SDK1: variants seen among roughly 807,000 people sequenced by gnomAD.
SDK1 encodes sidekick cell adhesion molecule 1, also known as protein sidekick-1.
Under a neutral mutation model 245.5 loss-of-function variants are expected in SDK1, and 157 were observed. That is an observed-to-expected ratio of 0.64 (90% CI 0.56 to 0.73). The LOEUF (loss-of-function observed/expected upper bound fraction) is 0.73. Among genes scored for constraint, SDK1 ranks in the 30% least tolerant of loss-of-function variants. The probability of loss-of-function intolerance (pLI) is 0.00; values close to 1 mark genes in which losing one functional copy is unlikely to be tolerated. For synonymous variants in SDK1, 1,647 were observed against 1,278.5 expected, an observed-to-expected ratio of 1.29 and a Z score of -6.15; for missense variants, 3,583 against 3,002.3, an observed-to-expected ratio of 1.19 and a Z score of -4.52.
At chr7:3,957,370 C>G (rs1473490627) in intron 7 of SDK1, among the ~76,000 whole-genome samples, 1 of 152,142 alleles carries the variant, frequency 6.6e-6, no homozygotes, top group Non-Finnish European at 1.5e-5. Flanking sequence ...GTTATGCTAT[C>G]GTTTTTTGCA....
chr7:3,735,255 A>C (rs1269150285), intron 4 of SDK1, among the ~76,000 whole-genome samples: 2 of 152,204 alleles, frequency 1.3e-5, no homozygotes, highest in Non-Finnish European at 2.9e-5. Context: ...ATTGTTGTGC[A>C]ACCCATCTTT....
intron 25 of SDK1, among the ~76,000 whole-genome samples, chr7:4,116,440 G>A (rs1783715462): frequency 6.6e-6 from 1 of 152,206 alleles, no homozygotes; most frequent in Non-Finnish European, 1.5e-5. Context: ...CCCGCTCTGT[G>A]TGCCACAGCG....
intron 4 of SDK1, among the ~76,000 whole-genome samples, chr7:3,754,225 A>G (rs1779854674): frequency 6.6e-6 from 1 of 152,152 alleles, no homozygotes; most frequent in Non-Finnish European, 1.5e-5. Context: ...TTCATACCCC[A>G]GGGATTTATT....
intron 1 of SDK1, among the ~76,000 whole-genome samples, chr7:3,464,199 G>T (rs74540951): frequency 6.6e-6 from 1 of 152,134 alleles, no homozygotes; most frequent in East Asian, 1.9e-4. Flanking sequence ...GTTTTTTGGG[G>T]ACAGAGTAAC....
At chr7:3,801,423 T>A (rs964515614) in intron 4 of SDK1, among the ~76,000 whole-genome samples, 2 of 152,202 alleles carry the variant, frequency 1.3e-5, no homozygotes, top group African/African-American at 2.4e-5. Flanking sequence ...AATCCTTTTT[T>A]AAAAAATTCA....
chr7:3,527,762 G>A (rs1364617000), intron 1 of SDK1, among the ~76,000 whole-genome samples: 1 of 151,038 alleles, frequency 6.6e-6, no homozygotes, highest in Non-Finnish European at 1.5e-5. Context: ...TAGGGGGTGA[G>A]TAGTGGTAGG....
chr7:4,106,591 C>T (rs911232681), intron 22 of SDK1, among the ~76,000 whole-genome samples: 4 of 152,288 alleles, frequency 2.6e-5, no homozygotes, highest in East Asian at 3.9e-4. Context: ...CCACCGCGCC[C>T]GGCCAGCCCC....
At chr7:3,779,998 G>A (rs1395676374) in intron 4 of SDK1, among the ~76,000 whole-genome samples, 5 of 149,758 alleles carry the variant, frequency 3.3e-5, no homozygotes, top group African/African-American at 1.2e-4. Context: ...AGTGGAATCA[G>A]AAGCCTCAGT....
chr7:3,934,579 T>TA (rs1212415698), intron 5 of SDK1, among the ~76,000 whole-genome samples: 1 of 152,202 alleles, frequency 6.6e-6, no homozygotes, highest in Non-Finnish European at 1.5e-5. Flanking sequence ...AAGTTACACT[T>TA]ATGCAATTTT....
Position 4,139,684 on chromosome 7 carries a change from TGTGTGTATGTG to T in SDK1, c.4229-6037_4229-6027del, listed in dbSNP as rs1459313456. ...GTATATGTGTGTGTGTATATGTGTG[TGTGTGTATGTG>T]TGTGTGTGTATGTGTGTGTGTGTGT... On this transcript the variant is annotated intron_variant, in intron 28 of 44. Transcript: ENST00000404826. Among the ~76,000 whole-genome samples, 179 of 147,472 alleles carry T rather than the reference TGTGTGTATGTG, an allele frequency of 1.2e-3. 17 individuals carry two copies. The highest frequency in any genetic ancestry group is 6.3e-3 in the East Asian group (32 of 5,052).
chr7:3,537,383 ATG>A (rs1358089732), intron 1 of SDK1, among the ~76,000 whole-genome samples: 3 of 152,170 alleles, frequency 2.0e-5, no homozygotes, highest in Non-Finnish European at 4.4e-5. Flanking sequence ...CCTCAGGTCC[ATG>A]TGCCCCTGAG....
chr7:3,463,869 C>T (rs1184368429), intron 1 of SDK1, among the ~76,000 whole-genome samples: 1 of 152,168 alleles, frequency 6.6e-6, no homozygotes, highest in East Asian at 1.9e-4. Flanking sequence ...GAATTGGCTT[C>T]TTGGACACAT....
At chr7:3,343,584 C>T (rs936902263) in intron 1 of SDK1, among the ~76,000 whole-genome samples, 1 of 152,036 alleles carries the variant, frequency 6.6e-6, no homozygotes, top group African/African-American at 2.4e-5. Context: ...TTGGCTGTAT[C>T]GATGTCAATA....
intron 1 of SDK1, among the ~76,000 whole-genome samples, chr7:3,399,415 C>T (rs1175267431): frequency 2.0e-5 from 3 of 152,112 alleles, no homozygotes; most frequent in East Asian, 1.9e-4. Context: ...TTAAGTTCAA[C>T]ATCTAGGCTT....
At chr7:3,340,046 A>T (rs1583705883) in intron 1 of SDK1, among the ~76,000 whole-genome samples, 1 of 152,308 alleles carries the variant, frequency 6.6e-6, no homozygotes, top group East Asian at 1.9e-4. Flanking sequence ...AAGGATAATT[A>T]GGAAATCCCA....
At chr7:3,505,208 A>AT (rs200818234) in intron 1 of SDK1, among the ~76,000 whole-genome samples, 211 of 150,958 alleles carry the variant, frequency 1.4e-3, no homozygotes, top group African/African-American at 4.5e-3. Context: ...AATTAAACCT[A>AT]TTTTTTTTTG....
At chr7:3,825,357 C>T (rs989538984) in intron 5 of SDK1, among the ~76,000 whole-genome samples, 1 of 146,346 alleles carries the variant, frequency 6.8e-6, no homozygotes, top group Non-Finnish European at 1.5e-5. Context: ...GGCGATGAGA[C>T]GAATTCTATA....
At chr7:3,397,338 A>T (rs1355151511) in intron 1 of SDK1, among the ~76,000 whole-genome samples, 1 of 151,930 alleles carries the variant, frequency 6.6e-6, no homozygotes, top group African/African-American at 2.4e-5. Flanking sequence ...CTTCAGCTGG[A>T]AGTAATCCTT....
intron 1 of SDK1, among the ~76,000 whole-genome samples, chr7:3,522,979 T>TA (rs1029666045): frequency 6.9e-5 from 2 of 29,004 alleles, no homozygotes; most frequent in Non-Finnish European, 1.3e-4. Flanking sequence ...AATAGTTTTA[T>TA]AAAAACCCTC....
Sources: allele counts gnomAD v4.1 joint callset (sites outside exome capture counted in the v4.1 genomes callset), GRCh38; gene constraint gnomAD v4.1.1; transcripts MANE v1.5; gene names NCBI Gene and HGNC (gene_info 2026-07-23, HGNC 2026-07-21).